CACNA1A: variants seen among roughly 807,000 people sequenced by gnomAD.
CACNA1A encodes the protein voltage-dependent P/Q-type calcium channel subunit alpha-1A.
In CACNA1A, 57 loss-of-function variants were observed where a neutral mutation model predicts 262.4. The ratio of observed to expected loss-of-function variants is 0.22; its 90% CI spans 0.18 to 0.27. The LOEUF (loss-of-function observed/expected upper bound fraction) is 0.27. Among genes scored for constraint, CACNA1A ranks in the 10% least tolerant of loss-of-function variants. The probability of loss-of-function intolerance (pLI) is 1.00; values close to 1 mark genes in which losing one functional copy is unlikely to be tolerated. For synonymous variants in CACNA1A, 1,431 were observed against 1,419.3 expected (o/e 1.01, Z -0.18); for missense variants, 2,526 against 3,562.8 (o/e 0.71, Z 7.41).
At chr19:13,381,386 G>A (rs985039869) in intron 3 of CACNA1A, among the ~76,000 whole-genome samples, 3 of 144,800 alleles carry the variant, frequency 2.1e-5, no homozygotes, top group South Asian at 2.1e-4. Context: ...AAGACAGAGC[G>A]AGACCCTGTA....
intron 1 of CACNA1A, among the ~76,000 whole-genome samples, chr19:13,481,038 C>T (rs1439399201): frequency 1.3e-5 from 2 of 152,146 alleles, no homozygotes; most frequent in Non-Finnish European, 2.9e-5. Context: ...GAGTCTCTCT[C>T]TCTGTTTCGG....
intron 3 of CACNA1A, among the ~76,000 whole-genome samples, chr19:13,376,686 CATA>C (rs1298008087): frequency 6.8e-6 from 1 of 146,870 alleles, no homozygotes; most frequent in African/African-American, 2.5e-5. Flanking sequence ...ATACACTACA[CATA>C]ATATATGTTA....
chr19:13,474,191 G>A (rs76374691), intron 1 of CACNA1A, among the ~76,000 whole-genome samples: 1,637 of 152,226 alleles, frequency 0.011, 27 homozygotes, highest in African/African-American at 0.037. Context: ...AAGGAGCCTC[G>A]GCCAAGATCT....
intron 6 of CACNA1A, among the ~76,000 whole-genome samples, chr19:13,358,158 A>G (rs764303826): frequency 3.3e-5 from 5 of 152,264 alleles, no homozygotes; most frequent in African/African-American, 7.2e-5. Context: ...TGCTCCTGGC[A>G]GAGCAGCATC....
chr19:13,378,153 A>G (rs1195412324), intron 3 of CACNA1A, among the ~76,000 whole-genome samples: 2 of 152,208 alleles, frequency 1.3e-5, no homozygotes, highest in Non-Finnish European at 2.9e-5. Flanking sequence ...TAGCAAGAGA[A>G]CTAGAGTTAG....
chr19:13,371,773 C>T lies in CACNA1A; in HGVS notation c.546G>A (p.Leu182=), dbSNP rs368347143. Residue 182 remains leucine (L), a synonymous_variant, in exon 4 of 47, where the codon TTG becomes TTA. Coordinates refer to ENST00000360228, the MANE Select transcript of CACNA1A (RefSeq NM_001127222.2). ...GGTCAAACTCCGTCCCAACTGTCGCCAAGATGCTGAAAGAAAGAAGCCAGA... is the reference window on the plus strand; with the variant it reads ...GGTCAAACTCCGTCCCAACTGTCGCTAAGATGCTGAAAGAAAGAAGCCAGA... The part of the protein sequence containing the change: ...MDFVVVLTGI[L]ATVGTEFDLR... 70 of 1,569,870 alleles carry T rather than the reference C, an allele frequency of 4.5e-5. 1 individual carries two copies. Among genetic ancestry groups the T allele is most frequent in the Non-Finnish European group, 6.0e-5 (70 of 1,157,374 alleles).
chr19:13,493,490 G>C (rs996085536), intron 1 of CACNA1A, among the ~76,000 whole-genome samples: 2 of 152,198 alleles, frequency 1.3e-5, no homozygotes, highest in African/African-American at 2.4e-5. Context: ...AAGTCCCCTT[G>C]GGGGAAAAAT....
intron 1 of CACNA1A, among the ~76,000 whole-genome samples, chr19:13,460,612 G>A (rs1242693412): frequency 6.6e-6 from 1 of 152,104 alleles, no homozygotes; most frequent in Non-Finnish European, 1.5e-5. Context: ...CCAGCAAGGT[G>A]CATGACCTGC....
chr19:13,335,149 G>A (rs2145136917), intron 7 of CACNA1A, among the ~76,000 whole-genome samples: 1 of 152,194 alleles, frequency 6.6e-6, no homozygotes, highest in Non-Finnish European at 1.5e-5. Flanking sequence ...AATTATTTCA[G>A]CCCTCTTTTA....
At chr19:13,259,777 A>T in intron 26 of CACNA1A, 76 bp from the exon 27 acceptor site, 1 of 1,527,460 alleles carries the variant, frequency 6.5e-7, no homozygotes, top group African/African-American at 1.4e-5. Context: ...TATCAGAGAC[A>T]GGGGGAGGGA....
chr19:13,283,192 G>A (rs2057329606), intron 22 of CACNA1A, 75 bp downstream of exon 22: 2 of 1,564,910 alleles, frequency 1.3e-6, no homozygotes, highest in South Asian at 2.4e-5. Context: ...CTACCTATGA[G>A]CATTTTGGAT....
In CACNA1A at chr19:13,300,718, G is replaced by C. The variant is rs116732979; in HGVS notation, c.2173-62C>G. 1,315 of 1,342,878 alleles carry C rather than the reference G, an allele frequency of 9.8e-4. 9 individuals are homozygous for C. The African/African-American group carries it at 0.016, about 17-fold the overall frequency. 83.2% of individuals were successfully genotyped at this position (1,342,878 alleles called of 1,614,324 possible). On this transcript the variant is annotated intron_variant, in intron 17 of 46. Transcript: ENST00000360228. ...AACTAGGCCTTGGGGACTCACTTCTGACCCTGTTGCTGACCAGGGGCAACA... is the reference window on the plus strand; with the variant it reads ...AACTAGGCCTTGGGGACTCACTTCTCACCCTGTTGCTGACCAGGGGCAACA...
At chr19:13,263,759 G>A (rs2056796674) in intron 24 of CACNA1A, among the ~76,000 whole-genome samples, 4 of 151,584 alleles carry the variant, frequency 2.6e-5, no homozygotes, top group Non-Finnish European at 5.9e-5. Context: ...GACCTCAGGT[G>A]ATCCACCCAC....
intron 28 of CACNA1A, 51 bp downstream of exon 28, chr19:13,257,299 G>A: frequency 2.0e-6 from 3 of 1,485,754 alleles, no homozygotes; most frequent in Non-Finnish European, 2.8e-6. Flanking sequence ...GTGTTTTAAA[G>A]TTTGTGTGTG....
chr19:13,279,150 A>T (rs1320838819), intron 22 of CACNA1A, among the ~76,000 whole-genome samples: 1 of 152,192 alleles, frequency 6.6e-6, no homozygotes, highest in African/African-American at 2.4e-5. Context: ...GGAGCTGGGA[A>T]AGGGCAGGCC....
intron 18 of CACNA1A, 23 bp downstream of exon 18, chr19:13,300,527 T>A (rs565179732): frequency 6.6e-7 from 1 of 1,511,626 alleles, no homozygotes; most frequent in East Asian, 2.3e-5. Flanking sequence ...CAGGGTAGCA[T>A]CCCAGGGATT....
intron 1 of CACNA1A, among the ~76,000 whole-genome samples, chr19:13,459,749 C>T (rs766480399): frequency 9.8e-5 from 15 of 152,320 alleles, no homozygotes; most frequent in Admixed American, 7.2e-4. Context: ...TCCCACTCCT[C>T]CGGTTCCCTG....
In CACNA1A at chr19:13,269,745, T is replaced by G. The variant is rs193245274; in HGVS notation, c.3989+6105A>C. Among the ~76,000 whole-genome samples, 531 of 152,304 alleles carry G rather than the reference T, an allele frequency of 3.5e-3. 1 individual carries two copies. Among genetic ancestry groups the G allele is most frequent in the Non-Finnish European group, 4.0e-3 (270 of 68,014 alleles). ...AAATGGGGTGTTTATGGTAGACGCA[T>G]GGATACAAGGGACACAGTCAGTGAA... On this transcript the variant is annotated intron_variant, in intron 24 of 46. Transcript: ENST00000360228.
chr19:13,456,301 A>G (rs2061005813), intron 1 of CACNA1A, among the ~76,000 whole-genome samples: 1 of 152,248 alleles, frequency 6.6e-6, no homozygotes, highest in Non-Finnish European at 1.5e-5. Flanking sequence ...GACGTTATCA[A>G]GAAAGTTAAA....
Sources: allele counts gnomAD v4.1 joint callset (sites outside exome capture counted in the v4.1 genomes callset), GRCh38; gene constraint gnomAD v4.1.1; transcripts MANE v1.5; gene names NCBI Gene and HGNC (gene_info 2026-07-23, HGNC 2026-07-21).